Variants in HS6ST3 observed in about 807,000 individuals in gnomAD.
The protein encoded by HS6ST3 is heparan sulfate 6-O-sulfotransferase 3, also known as heparan-sulfate 6-O-sulfotransferase 3.
HS6ST3 carries 12 observed loss-of-function variants against 36.7 expected under a neutral mutation model. That is an observed-to-expected ratio of 0.33 (90% CI 0.21 to 0.53). The LOEUF (loss-of-function observed/expected upper bound fraction) is 0.53. Ranked by LOEUF, HS6ST3 falls within the 20% of genes least tolerant of loss-of-function variation. HS6ST3 has a pLI of 0.95. For synonymous variants in HS6ST3, 240 were observed against 257.5 expected (o/e 0.93, Z 0.65); for missense variants, 584 against 640.9 (o/e 0.91, Z 0.96).
At chr13:96,564,300 C>A (rs769967302) in intron 1 of HS6ST3, among the ~76,000 whole-genome samples, 2 of 152,178 alleles carry the variant, frequency 1.3e-5, no homozygotes, top group Non-Finnish European at 1.5e-5. Context: ...CACATACTTG[C>A]AACTCTTTTG....
At chr13:96,738,918 T>G (rs1164638226) in intron 1 of HS6ST3, among the ~76,000 whole-genome samples, 1 of 152,192 alleles carries the variant, frequency 6.6e-6, no homozygotes, top group Non-Finnish European at 1.5e-5. Flanking sequence ...TAGTTTCTCC[T>G]GTGCTTTCTA....
chr13:96,162,657 T>C (rs1212018064), intron 1 of HS6ST3, among the ~76,000 whole-genome samples: 3 of 152,218 alleles, frequency 2.0e-5, no homozygotes, highest in African/African-American at 7.2e-5. Context: ...TGATATACAA[T>C]TGTTGTACTA....
At chr13:96,521,280 A>G (rs1353887768) in intron 1 of HS6ST3, among the ~76,000 whole-genome samples, 1 of 152,170 alleles carries the variant, frequency 6.6e-6, no homozygotes, top group Non-Finnish European at 1.5e-5. Flanking sequence ...TTTCACATCG[A>G]TGTTCATCAG....
intron 1 of HS6ST3, among the ~76,000 whole-genome samples, chr13:96,095,949 C>A (rs770496545): frequency 6.7e-6 from 1 of 150,202 alleles, no homozygotes; most frequent in Non-Finnish European, 1.5e-5. Flanking sequence ...GCTGGATGGA[C>A]CACTGGATTC....
chr13:96,447,498 G>T (rs1445161881), intron 1 of HS6ST3, among the ~76,000 whole-genome samples: 1 of 152,200 alleles, frequency 6.6e-6, no homozygotes, highest in African/African-American at 2.4e-5. Context: ...TAGCAGGAAA[G>T]CCACCTTTGA....
chr13:96,577,842 C>T (rs1165050990), intron 1 of HS6ST3, among the ~76,000 whole-genome samples: 1 of 152,192 alleles, frequency 6.6e-6, no homozygotes, highest in Non-Finnish European at 1.5e-5. Context: ...CAGGAAACAA[C>T]AGATGCTGGA....
At position 96,797,635 on chromosome 13, in the gene HS6ST3, CT is replaced by C. The variant is rs554745126; in HGVS notation, c.708-34849del. 4.7e-3 allele frequency among the ~76,000 whole-genome samples: 710 copies of C among 152,144 alleles called. 4 individuals are homozygous for C. The highest frequency in any genetic ancestry group is 7.5e-3 in the Non-Finnish European group (507 of 67,970). On this transcript the variant is annotated intron_variant, in intron 1 of 1. Transcript: ENST00000376705. ...ATGGGAAACAGAGAAATTAATGGTT[CT>C]TTTTTAAAAATCTGTTTCTGTGACT...
intron 1 of HS6ST3, among the ~76,000 whole-genome samples, chr13:96,451,646 T>C (rs1277812751): frequency 6.6e-6 from 1 of 152,200 alleles, no homozygotes; most frequent in Non-Finnish European, 1.5e-5. Flanking sequence ...TACAGTTTTG[T>C]CCTTCTAGGC....
At chr13:96,752,930 G>A (rs1876735843) in intron 1 of HS6ST3, among the ~76,000 whole-genome samples, 1 of 152,044 alleles carries the variant, frequency 6.6e-6, no homozygotes, top group Non-Finnish European at 1.5e-5. Context: ...AACACATACA[G>A]AATTTCTTTT....
intron 1 of HS6ST3, among the ~76,000 whole-genome samples, chr13:96,320,996 G>A (rs1343145784): frequency 6.6e-6 from 1 of 152,092 alleles, no homozygotes; most frequent in African/African-American, 2.4e-5. Flanking sequence ...GCTGGTGCAT[G>A]CAGGAAGCAT....
intron 1 of HS6ST3, among the ~76,000 whole-genome samples, chr13:96,516,218 T>G (rs2056072174): frequency 6.6e-6 from 1 of 152,014 alleles, no homozygotes; most frequent in Admixed American, 6.6e-5. Flanking sequence ...CACACCACCA[T>G]GCCTAGCTAT....
intron 1 of HS6ST3, among the ~76,000 whole-genome samples, chr13:96,299,674 A>C (rs1459023147): frequency 6.6e-6 from 1 of 152,184 alleles, no homozygotes; most frequent in Non-Finnish European, 1.5e-5. Context: ...CTTTAGCATG[A>C]AGTCTACCAG....
intron 1 of HS6ST3, among the ~76,000 whole-genome samples, chr13:96,579,669 A>G (rs1249609255): frequency 1.3e-5 from 2 of 152,240 alleles, no homozygotes; most frequent in Non-Finnish European, 2.9e-5. Context: ...CATCAGGGCA[A>G]AAACATCAGT....
chr13:96,721,117 C>T (rs529552879), intron 1 of HS6ST3, among the ~76,000 whole-genome samples: 1 of 152,322 alleles, frequency 6.6e-6, no homozygotes, highest in Admixed American at 6.5e-5. Context: ...TGCTGATTGT[C>T]TCTCTACTGA....
intron 1 of HS6ST3, among the ~76,000 whole-genome samples, chr13:96,314,223 C>T (rs543088031): frequency 6.6e-6 from 1 of 152,084 alleles, no homozygotes; most frequent in South Asian, 2.1e-4. Flanking sequence ...AAAATAAAAT[C>T]CTTCCCAAGC....
intron 1 of HS6ST3, among the ~76,000 whole-genome samples, chr13:96,454,836 C>G (rs1004854283): frequency 1.3e-5 from 2 of 149,550 alleles, no homozygotes; most frequent in African/African-American, 4.9e-5. Context: ...TTATTTTTGC[C>G]ACTTCTGTTA....
intron 1 of HS6ST3, among the ~76,000 whole-genome samples, chr13:96,144,148 A>G (rs2054045124): frequency 6.6e-6 from 1 of 152,172 alleles, no homozygotes; most frequent in African/African-American, 2.4e-5. Context: ...TAAGGAGGAT[A>G]AAATATCTGT....
intron 1 of HS6ST3, among the ~76,000 whole-genome samples, chr13:96,650,869 T>C (rs1228517135): frequency 2.0e-5 from 3 of 152,068 alleles, no homozygotes; most frequent in African/African-American, 7.2e-5. Flanking sequence ...ATTCATTCTG[T>C]CCATTAAATT....
chr13:96,318,622 C>T (rs2182066), intron 1 of HS6ST3, among the ~76,000 whole-genome samples: 143,993 of 152,240 alleles, frequency 0.95, 68,224 homozygotes, highest in East Asian at 1. Flanking sequence ...TAGCCAGCTA[C>T]CCCAGCACCA....
Sources: gnomAD v4.1 joint callset for allele counts (sites outside exome capture counted in the v4.1 genomes callset) on GRCh38, gnomAD v4.1.1 for gene constraint, MANE v1.5 for transcripts, NCBI Gene and HGNC (gene_info 2026-07-23, HGNC 2026-07-21) for gene names.